Variants in NPFFR2 observed in about 807,000 individuals in gnomAD.
NPFFR2 encodes G-protein coupled receptor 74.
NPFFR2 carries 15 observed loss-of-function variants against 13.1 expected under a neutral mutation model. That is an observed-to-expected ratio of 1.15 (90% CI 0.77 to 1.76). The LOEUF (loss-of-function observed/expected upper bound fraction) is 1.76, where lower values mean the gene tolerates loss of function less well. Ranked by LOEUF, NPFFR2 falls within the 40% of genes most tolerant of loss-of-function variation. The pLI is 0.00. For missense variants in NPFFR2, 572 were observed against 503.5 expected (o/e 1.14, Z -1.30); for synonymous variants, 190 against 175.7 (o/e 1.08, Z -0.65).
chr4:72,138,825 A>G (rs889225759), intron 3 of NPFFR2, among the ~76,000 whole-genome samples: 1 of 152,106 alleles, frequency 6.6e-6, no homozygotes, highest in African/African-American at 2.4e-5. Flanking sequence ...TAGGTCCTTG[A>G]GGAATCGTCA....
chr4:72,081,552 G>A (rs1282751111), intron 1 of NPFFR2, among the ~76,000 whole-genome samples: 2 of 148,714 alleles, frequency 1.3e-5, no homozygotes, highest in Non-Finnish European at 3.0e-5. Context: ...GCAGTGGCAT[G>A]GTCAAGCTCA....
Position 72,123,678 on chromosome 4 carries a change from A to G in NPFFR2, c.-7-4907A>G, listed in dbSNP as rs573507402. Among the ~76,000 whole-genome samples the G allele has an allele frequency of 4.6e-5, 7 of 152,320 alleles. No individual in the cohort carries two copies. The East Asian group carries it at 5.8e-4, about 13-fold the overall frequency. ...TCACAAAAACCACATGATTATCTCAATAGATGCAGAAAAGGCCTTTGACAA... is the reference window on the plus strand; with the variant it reads ...TCACAAAAACCACATGATTATCTCAGTAGATGCAGAAAAGGCCTTTGACAA... On this transcript the variant is annotated intron_variant, in intron 1 of 3. Coordinates refer to ENST00000308744, the MANE Select transcript of NPFFR2 (RefSeq NM_004885.3).
At chr4:72,036,721 T>G (rs1160333888) in intron 1 of NPFFR2, among the ~76,000 whole-genome samples, 2 of 151,574 alleles carry the variant, frequency 1.3e-5, no homozygotes, top group Admixed American at 6.6e-5. Context: ...AGACTAATCT[T>G]AAGAATCTTA....
At chr4:72,098,066 G>GT (rs1295500526) in intron 1 of NPFFR2, among the ~76,000 whole-genome samples, 2 of 152,126 alleles carry the variant, frequency 1.3e-5, no homozygotes, top group African/African-American at 4.8e-5. Flanking sequence ...GACAAGTAGA[G>GT]TAACTTAAAG....
chr4:72,057,879 T>G lies in NPFFR2; in HGVS notation c.-8+25679T>G, dbSNP rs145492320. Among the ~76,000 whole-genome samples, 588 of 152,124 alleles carry G rather than the reference T, an allele frequency of 3.9e-3. 3 individuals carry two copies. The highest frequency in any genetic ancestry group is 0.014 in the African/African-American group (565 of 41,534). On this transcript the variant is annotated intron_variant, in intron 1 of 3. Transcript: ENST00000308744. ...GCGTGATGCACTATGAAGAGTACCG[T>G]GTCACTTCTACCACATTTCTGCCAA...
chr4:72,103,532 C>T (rs1166324217), intron 1 of NPFFR2, among the ~76,000 whole-genome samples: 6 of 151,982 alleles, frequency 3.9e-5, no homozygotes, highest in African/African-American at 7.3e-5. Context: ...TTTGTTATAG[C>T]AGCACAAACG....
At chr4:72,139,931 G>A (rs542958855) in intron 3 of NPFFR2, among the ~76,000 whole-genome samples, 7 of 151,840 alleles carry the variant, frequency 4.6e-5, no homozygotes, top group African/African-American at 7.3e-5. Context: ...CTTTTATTTC[G>A]TTGAGCAGTG....
At chr4:72,073,404 C>T (rs1720324222) in intron 1 of NPFFR2, among the ~76,000 whole-genome samples, 1 of 151,736 alleles carries the variant, frequency 6.6e-6, no homozygotes, top group South Asian at 2.1e-4. Flanking sequence ...CTAGAACTGC[C>T]CTGCAAGAAA....
chr4:72,127,320 A>AT (rs1455003723), intron 1 of NPFFR2, among the ~76,000 whole-genome samples: 4 of 142,218 alleles, frequency 2.8e-5, no homozygotes, highest in Non-Finnish European at 6.1e-5. Context: ...AAAAAAAAAA[A>AT]AAAAAAAAAA....
chr4:72,130,680 G>A (rs1423356299), intron 2 of NPFFR2, among the ~76,000 whole-genome samples: 1 of 152,152 alleles, frequency 6.6e-6, no homozygotes, highest in East Asian at 1.9e-4. Context: ...AGGTGAGAGG[G>A]TGCAGGAGCT....
intron 1 of NPFFR2, among the ~76,000 whole-genome samples, chr4:72,122,292 G>A (rs1010661290): frequency 5.3e-5 from 8 of 152,080 alleles, no homozygotes; most frequent in East Asian, 1.9e-4. Flanking sequence ...AGACTCCCAC[G>A]CAATAGTAGT....
At chr4:72,064,236 C>T (rs532898072) in intron 1 of NPFFR2, among the ~76,000 whole-genome samples, 3 of 152,342 alleles carry the variant, frequency 2.0e-5, no homozygotes, top group African/African-American at 7.2e-5. Context: ...CTCAGCATGG[C>T]TCACCTGGGC....
At chr4:72,032,780 C>T (rs921497460) in intron 1 of NPFFR2, among the ~76,000 whole-genome samples, 1 of 152,112 alleles carries the variant, frequency 6.6e-6, no homozygotes, top group Non-Finnish European at 1.5e-5. Flanking sequence ...AACCATCAGG[C>T]ATTTTCCAAC....
intron 1 of NPFFR2, among the ~76,000 whole-genome samples, chr4:72,038,411 T>C (rs1719098910): frequency 6.6e-6 from 1 of 152,232 alleles, no homozygotes; most frequent in African/African-American, 2.4e-5. Context: ...GCATAGTAGA[T>C]ACTCAGAAAA....
rs562702690 is a variant in NPFFR2 at position 72,105,012 on chromosome 4, C to T, written c.-7-23573C>T. ...CAAATTTTAAAAATGTAGGAAGTAA[C>T]GACAATCTAAGTGGTATAATGCATA... On this transcript the variant is annotated intron_variant, in intron 1 of 3. Transcript: ENST00000308744. 3.4e-4 allele frequency among the ~76,000 whole-genome samples: 31 copies of T among 92,120 alleles called. 1 individual carries two copies. The South Asian group carries it at 9.5e-3, about 28-fold the overall frequency. 60.4% of individuals were successfully genotyped at this position (92,120 alleles called of 152,430 possible).
intron 1 of NPFFR2, among the ~76,000 whole-genome samples, chr4:72,075,040 A>G (rs962353993): frequency 6.6e-5 from 10 of 152,182 alleles, no homozygotes; most frequent in African/African-American, 2.4e-4. Context: ...AATACGAAGT[A>G]TTGATCCTGG....
intron 3 of NPFFR2, among the ~76,000 whole-genome samples, chr4:72,140,853 G>T (rs911119491): frequency 6.6e-6 from 1 of 152,024 alleles, no homozygotes; most frequent in Non-Finnish European, 1.5e-5. Flanking sequence ...GCTCCTCTTT[G>T]TACCTCTGGT....
At chr4:72,043,893 G>A (rs1012263556) in intron 1 of NPFFR2, among the ~76,000 whole-genome samples, 2 of 152,082 alleles carry the variant, frequency 1.3e-5, no homozygotes, top group Non-Finnish European at 2.9e-5. Context: ...GGAGGGTCCA[G>A]GACCAGAATG....
chr4:72,080,578 C>T (rs1408394306), intron 1 of NPFFR2, among the ~76,000 whole-genome samples: 1 of 152,126 alleles, frequency 6.6e-6, no homozygotes, highest in Non-Finnish European at 1.5e-5. Context: ...GGTTTATTTT[C>T]TCACAGTGAC....
Sources: gnomAD v4.1 joint callset for allele counts (sites outside exome capture counted in the v4.1 genomes callset) on GRCh38, gnomAD v4.1.1 for gene constraint, MANE v1.5 for transcripts, NCBI Gene and HGNC (gene_info 2026-07-23, HGNC 2026-07-21) for gene names.